The following RYR2 variants were observed in gnomAD, a reference collection of about 807,000 sequenced individuals.
RYR2 encodes cardiac muscle ryanodine receptor-calcium release channel.
In RYR2, 227 loss-of-function variants were observed where a neutral mutation model predicts 601.1. That is an observed-to-expected ratio of 0.38 (90% CI 0.34 to 0.42). The LOEUF is 0.42. Among genes scored for constraint, RYR2 ranks in the 10% least tolerant of loss-of-function variants. RYR2 has a pLI of 1.00. For missense variants in RYR2, 4,646 were observed against 6,156.5 expected (o/e 0.75, Z 8.21); for synonymous variants, 2,223 against 2,175.1 (o/e 1.02, Z -0.61).
chr1:237,771,316 C>T (rs969798923), intron 85 of RYR2, among the ~76,000 whole-genome samples: 9 of 151,404 alleles, frequency 5.9e-5, no homozygotes, highest in Admixed American at 4.6e-4. Context: ...GAGGCTGGGG[C>T]AGGAGGATTG....
chr1:237,451,227 G>A (rs990251020), intron 14 of RYR2, among the ~76,000 whole-genome samples: 1 of 152,136 alleles, frequency 6.6e-6, no homozygotes, highest in South Asian at 2.1e-4. Context: ...TGTATTCTAC[G>A]TTCTATACAA....
At chr1:237,510,847 A>G (rs1558944402) in intron 23 of RYR2, among the ~76,000 whole-genome samples, 1 of 152,260 alleles carries the variant, frequency 6.6e-6, no homozygotes, top group Non-Finnish European at 1.5e-5. Context: ...AAAACCTTGC[A>G]TTTAGTTTAA....
chr1:237,079,811 G>T (rs1275698770), intron 1 of RYR2, among the ~76,000 whole-genome samples: 2 of 139,536 alleles, frequency 1.4e-5, no homozygotes, highest in Non-Finnish European at 3.0e-5. Context: ...AAAAGAGCCC[G>T]CATTGCCAAG....
At chr1:237,356,558 C>T (rs1699314163) in intron 4 of RYR2, among the ~76,000 whole-genome samples, 1 of 151,948 alleles carries the variant, frequency 6.6e-6, no homozygotes, top group Admixed American at 6.6e-5. Context: ...GCCACTATGC[C>T]CAGCCTTATA....
At chr1:237,523,331 A>T (rs1398579089) in intron 24 of RYR2, among the ~76,000 whole-genome samples, 1 of 152,252 alleles carries the variant, frequency 6.6e-6, no homozygotes, top group African/African-American at 2.4e-5. Context: ...GCACAATTGT[A>T]TTAATAGGAT....
intron 25 of RYR2, among the ~76,000 whole-genome samples, chr1:237,537,796 A>G (rs1312891358): frequency 6.6e-6 from 1 of 152,216 alleles, no homozygotes; most frequent in Non-Finnish European, 1.5e-5. Flanking sequence ...AGAACATAAA[A>G]TATAATTCTA....
intron 1 of RYR2, among the ~76,000 whole-genome samples, chr1:237,109,425 C>T (rs1475608781): frequency 3.3e-5 from 5 of 151,740 alleles, no homozygotes; most frequent in African/African-American, 1.2e-4. Flanking sequence ...AGATTTTTTG[C>T]ATTGACTTTT....
At chr1:237,728,160 G>T (rs538516731) in intron 76 of RYR2, among the ~76,000 whole-genome samples, 1 of 152,060 alleles carries the variant, frequency 6.6e-6, no homozygotes, top group Non-Finnish European at 1.5e-5. Context: ...TTGACATTCA[G>T]TAAGAGTTTG....
intron 1 of RYR2, among the ~76,000 whole-genome samples, chr1:237,117,919 T>C (rs1670318862): frequency 6.6e-6 from 1 of 152,186 alleles, no homozygotes; most frequent in African/African-American, 2.4e-5. Context: ...TAATTTTTTG[T>C]ATTTTTAGTA....
Position 237,404,385 on chromosome 1 carries a change from T to C in RYR2, c.774-12664T>C, listed in dbSNP as rs115495873. Among the ~76,000 whole-genome samples, 1,288 of 152,326 alleles carry C rather than the reference T, an allele frequency of 8.5e-3. 12 individuals are homozygous for C. The highest frequency in any genetic ancestry group is 0.014 in the Middle Eastern group (4 of 294). On this transcript the variant is annotated intron_variant, in intron 10 of 104. Coordinates refer to ENST00000366574, the MANE Select transcript of RYR2 (RefSeq NM_001035.3). The stretch of plus-strand genomic sequence containing the variant: ...TGGTAAAGTTACTAATTAGATCCTG[T>C]TATAATAAGCCAAGAATACATATTG...
chr1:237,486,420 T>C (rs1372165637), intron 17 of RYR2, among the ~76,000 whole-genome samples: 1 of 152,212 alleles, frequency 6.6e-6, no homozygotes, highest in Non-Finnish European at 1.5e-5. Context: ...CTCTCAGTAC[T>C]GTAATTTGTG....
At chr1:237,285,120 G>A (rs1487797424) in intron 2 of RYR2, among the ~76,000 whole-genome samples, 1 of 152,104 alleles carries the variant, frequency 6.6e-6, no homozygotes, top group Admixed American at 6.6e-5. Context: ...TTCTCAGATG[G>A]AATGCTTTCA....
intron 1 of RYR2, among the ~76,000 whole-genome samples, chr1:237,094,997 A>T (rs993269693): frequency 6.6e-6 from 1 of 152,014 alleles, no homozygotes; most frequent in Admixed American, 6.6e-5. Context: ...TGTCATGTAA[A>T]CCTCCAGCAA....
intron 57 of RYR2, among the ~76,000 whole-genome samples, chr1:237,667,088 A>C (rs890152252): frequency 6.6e-6 from 1 of 152,176 alleles, no homozygotes; most frequent in South Asian, 2.1e-4. Context: ...AGAGACATTG[A>C]TTGCATTTGC....
At chr1:237,559,775 C>G (rs757034537) in intron 27 of RYR2, among the ~76,000 whole-genome samples, 8 of 152,170 alleles carry the variant, frequency 5.3e-5, no homozygotes, top group African/African-American at 1.9e-4. Flanking sequence ...AATTTGGTAA[C>G]TCTGTATTCG....
At chr1:237,546,051 T>G (rs1669766436) in intron 25 of RYR2, among the ~76,000 whole-genome samples, 1 of 151,660 alleles carries the variant, frequency 6.6e-6, no homozygotes, top group African/African-American at 2.4e-5. Flanking sequence ...ACTTATATCT[T>G]CAGCTGTGAT....
intron 6 of RYR2, among the ~76,000 whole-genome samples, chr1:237,371,696 G>A (rs6674456): frequency 0.073 from 11,051 of 152,120 alleles, 423 homozygotes; most frequent in Middle Eastern, 0.099. Flanking sequence ...GCACATATAC[G>A]CCATGGAATA....
chr1:237,325,460 A>G (rs990352463), intron 2 of RYR2, among the ~76,000 whole-genome samples: 3 of 152,090 alleles, frequency 2.0e-5, no homozygotes, highest in African/African-American at 7.2e-5. Flanking sequence ...AGGCCGAGGC[A>G]GGCGGATCAT....
intron 24 of RYR2, among the ~76,000 whole-genome samples, chr1:237,513,437 C>T (rs1375546311): frequency 6.6e-6 from 1 of 152,036 alleles, no homozygotes; most frequent in Non-Finnish European, 1.5e-5. Context: ...ATTATTTTAC[C>T]AGGGACCCGG....
Sources: gnomAD v4.1 joint callset for allele counts (sites outside exome capture counted in the v4.1 genomes callset) on GRCh38, gnomAD v4.1.1 for gene constraint, MANE v1.5 for transcripts, NCBI Gene and HGNC (gene_info 2026-07-23, HGNC 2026-07-21) for gene names.